ZNF341: variants seen among roughly 807,000 people sequenced by gnomAD.
ZNF341 encodes the protein zinc finger protein 341.
Under a neutral mutation model 87.7 loss-of-function variants are expected in ZNF341, and 52 were observed. That is an observed-to-expected ratio of 0.59 (90% CI 0.47 to 0.75). ZNF341 has a LOEUF of 0.75. Ranked by LOEUF, ZNF341 falls within the 30% of genes least tolerant of loss-of-function variation. The pLI is 0.00. For synonymous variants in ZNF341, 459 were observed against 472.7 expected (o/e 0.97, Z 0.38); for missense variants, 977 against 1,145.9 (o/e 0.85, Z 2.13).
At chr20:33,775,291 C>A (rs1259145738) in intron 10 of ZNF341, among the ~76,000 whole-genome samples, 1 of 150,206 alleles carries the variant, frequency 6.7e-6, no homozygotes, top group Non-Finnish European at 1.5e-5. Flanking sequence ...CTCACTACAA[C>A]CTTCGCCTCC....
Position 33,753,192 on chromosome 20 carries a change from C to T in ZNF341, c.510C>T (p.Ser170=), listed in dbSNP as rs370639161. 1.4e-5 allele frequency: 23 copies of T among 1,611,886 alleles called. No individual in the cohort carries two copies. The highest frequency in any genetic ancestry group is 4.0e-5 in the African/African-American group (3 of 74,828). The change falls in exon 5 of 15, where the codon TCC becomes TCT. Residue 170 remains serine, a synonymous_variant. Transcript: ENST00000375200. The stretch of plus-strand genomic sequence containing the variant: ...TTCAGAGCAGCCTGAACATGCATTC[C>T]GTGCCCAGCTACCTCACCCAGCCTC... ...PPVQSSLNMH[S]VPSYLTQPPP...
intron 9 of ZNF341, among the ~76,000 whole-genome samples, chr20:33,768,106 C>G (rs2019446204): frequency 6.8e-6 from 1 of 146,944 alleles, no homozygotes; most frequent in South Asian, 2.2e-4. Context: ...ACACTAGATG[C>G]AAGGGAACCA....
intron 12 of ZNF341, among the ~76,000 whole-genome samples, chr20:33,784,868 G>A (rs746360103): frequency 2.0e-5 from 3 of 151,976 alleles, no homozygotes; most frequent in Non-Finnish European, 2.9e-5. Flanking sequence ...CTCCTGCCTC[G>A]GCCTCCCAAA....
rs1160586743 is a variant in ZNF341, at chr20:33,783,805, T to C, written c.1793T>C (p.Val598Ala). 2 of 1,613,752 alleles carry C rather than the reference T, an allele frequency of 1.2e-6. No individual in the cohort carries two copies. Among genetic ancestry groups the C allele is most frequent in the Admixed American group, 1.7e-5 (1 of 59,980 alleles). ...HGSGGRFKCQVCKKFFRREHY... is the reference protein window; with the variant it reads ...HGSGGRFKCQACKKFFRREHY... ...AGCGGGGGCAGGTTCAAGTGCCAAG[T>C]GTGCAAGAAGTTCTTCCGGCGGGAG... The change falls in exon 12 of 15, where the codon GTG becomes GCG. Residue 598 changes from valine (V) to alanine (A), a missense_variant. Coordinates refer to ENST00000375200, the MANE Select transcript of ZNF341 (RefSeq NM_001282933.2).
intron 3 of ZNF341, 45 bp downstream of exon 3, chr20:33,745,344 A>G (rs760430730): frequency 6.4e-7 from 1 of 1,568,074 alleles, no homozygotes; most frequent in Non-Finnish European, 8.7e-7. Flanking sequence ...TTGAGGGCCT[A>G]ACATGCTCAG....
At chr20:33,789,735 G>T (rs1031322677) in intron 14 of ZNF341, 147 bp downstream of exon 14, 6 of 855,672 alleles carry the variant, frequency 7.0e-6, no homozygotes, top group East Asian at 2.7e-5. Flanking sequence ...ACTTATGTGG[G>T]CTATGAGCCA....
chr20:33,791,729 C>G lies in ZNF341; in HGVS notation c.*212C>G. 1.9e-6 allele frequency: 1 copy of G among 538,058 alleles called. No individual in the cohort carries two copies. Among genetic ancestry groups the G allele is most frequent in the Non-Finnish European group, 3.2e-6 (1 of 313,252 alleles). The allele number at this position is 538,058 out of a possible 1,614,324, so 33.3% of individuals were successfully genotyped here. On this transcript the variant is annotated 3_prime_UTR_variant, in exon 15 of 15. Transcript: ENST00000375200. ...CCCTGCAACATTCTAGGGTTGGGGG[C>G]AGGGCCATCCACGGTTTCTGGGCAG...
At chr20:33,766,441 C>T (rs553912320) in intron 8 of ZNF341, among the ~76,000 whole-genome samples, 6 of 152,128 alleles carry the variant, frequency 3.9e-5, no homozygotes, top group South Asian at 2.1e-4. Flanking sequence ...GTGATCCGTC[C>T]GCCTTGACCT....
chr20:33,762,512 C>T (rs1418584678), intron 8 of ZNF341, among the ~76,000 whole-genome samples: 1 of 151,786 alleles, frequency 6.6e-6, no homozygotes, highest in Non-Finnish European at 1.5e-5. Flanking sequence ...TAAAAGAAAG[C>T]CCTTTCTTTT....
chr20:33,791,832 C>A lies in ZNF341; in HGVS notation c.*315C>A. The A allele has an allele frequency of 3.1e-6, 1 of 326,202 alleles. No homozygotes were observed. The highest frequency in any genetic ancestry group is 8.1e-4 in the Middle Eastern group (1 of 1,232). The allele number at this position is 326,202 out of a possible 1,614,324, so 20.2% of individuals were successfully genotyped here. A position where few individuals can be genotyped will look rare whatever the true frequency, so the allele number is the denominator to read the frequency against. The stretch of plus-strand genomic sequence containing the variant: ...CTGGTCTAGGCTGGTGGTCGGGGCC[C>A]CTGGGAGAGGAGACAGGGCATTCCT... On this transcript the variant is annotated 3_prime_UTR_variant, in exon 15 of 15. Coordinates refer to ENST00000375200, the MANE Select transcript of ZNF341 (RefSeq NM_001282933.2).
chr20:33,745,325 A>T (rs778788168), intron 3 of ZNF341, 26 bp downstream of exon 3: 2 of 1,601,504 alleles, frequency 1.2e-6, no homozygotes, highest in South Asian at 2.2e-5. Context: ...TTCATTCAAC[A>T]TGTCTTTTTT....
Position 33,770,083 on chromosome 20 carries a change from G to A in ZNF341, c.1414-1G>A. Reference sequence around the variant, plus strand: ...TCACCTGCCCAGCGTCTTCCCTCAAGGTGTACAAGTGTGTGGTCAAAAGCT... The same window carrying A: ...TCACCTGCCCAGCGTCTTCCCTCAAAGTGTACAAGTGTGTGGTCAAAAGCT... On this transcript the variant is annotated splice_acceptor_variant, in intron 9 of 14. Coordinates refer to ENST00000375200, the MANE Select transcript of ZNF341 (RefSeq NM_001282933.2). LOFTEE classifies it high-confidence loss of function. 1 of 1,612,532 alleles carries A rather than the reference G, an allele frequency of 6.2e-7. No homozygotes were observed. The highest frequency in any genetic ancestry group is 8.5e-7 in the Non-Finnish European group (1 of 1,179,016).
intron 5 of ZNF341, among the ~76,000 whole-genome samples, chr20:33,754,238 A>C (rs1438012309): frequency 6.6e-6 from 1 of 152,154 alleles, no homozygotes; most frequent in African/African-American, 2.4e-5. Flanking sequence ...AGGGGCAAAG[A>C]ATTGGTGCCA....
Position 33,770,114 on chromosome 20 carries a change from C to A in ZNF341, c.1444C>A (p.Gln482Lys), listed in dbSNP as rs755510669. Residue 482 changes from glutamine (Q) to lysine (K), a missense_variant, in exon 10 of 15, where the codon CAG becomes AAG. Gln to Lys is a moderately conservative substitution (Grantham distance 53, BLOSUM62 1). Coordinates refer to ENST00000375200, the MANE Select transcript of ZNF341 (RefSeq NM_001282933.2). ...VYKCVVKSCA[Q>K]TFPKLDTFLE... ...CAAGTGTGTGGTCAAAAGCTGTGCC[C>A]AGACGTTCCCAAAGCTCGACACATT... is the stretch of plus-strand genomic sequence containing the variant. 7 of 1,613,796 alleles carry A rather than the reference C, an allele frequency of 4.3e-6. No homozygotes were observed. Among genetic ancestry groups the A allele is most frequent in the Middle Eastern group, 1.6e-4 (1 of 6,070 alleles).
rs766716178 is a variant in ZNF341 at position 33,748,915 on chromosome 20, C to A, written c.340-8C>A. On this transcript the variant is annotated splice_polypyrimidine_tract_variant and splice_region_variant and intron_variant, in intron 3 of 14. Transcript: ENST00000375200. ...CGTCTCACTCATTCTCTCTCTCCCA[C>A]TGTCCAGATCTCCACATACATCACA... 3.1e-6 allele frequency: 5 copies of A among 1,608,208 alleles called. No homozygotes were observed. In the African/African-American group the frequency reaches 5.3e-5, roughly 17 times the overall value.
At chr20:33,743,434 G>A (rs891219751) in intron 2 of ZNF341, among the ~76,000 whole-genome samples, 1 of 150,060 alleles carries the variant, frequency 6.7e-6, no homozygotes, top group African/African-American at 2.5e-5. Flanking sequence ...CCACCTCCTG[G>A]GTTTAAGCAA....
At chr20:33,738,287 G>T (rs758732975) in intron 1 of ZNF341, among the ~76,000 whole-genome samples, 1 of 152,066 alleles carries the variant, frequency 6.6e-6, no homozygotes, top group Non-Finnish European at 1.5e-5. Context: ...TAATAATAAT[G>T]ATAATAATAT....
At chr20:33,737,194 T>C (rs985459563) in intron 1 of ZNF341, among the ~76,000 whole-genome samples, 12 of 152,324 alleles carry the variant, frequency 7.9e-5, no homozygotes, top group Non-Finnish European at 1.6e-4. Context: ...GACAGGGGAA[T>C]TGCGACAGAG....
intron 4 of ZNF341, among the ~76,000 whole-genome samples, chr20:33,751,176 T>C (rs1179421753): frequency 1.3e-5 from 2 of 152,204 alleles, no homozygotes; most frequent in Non-Finnish European, 2.9e-5. Flanking sequence ...TTGCTGTTTT[T>C]TGCTTTTATG....
Sources: gnomAD v4.1 joint callset for allele counts (sites outside exome capture counted in the v4.1 genomes callset) on GRCh38, gnomAD v4.1.1 for gene constraint, MANE v1.5 for transcripts, NCBI Gene and HGNC (gene_info 2026-07-23, HGNC 2026-07-21) for gene names.